The following SYNDIG1L variants were observed in gnomAD, a reference collection of about 807,000 sequenced individuals.
The protein encoded by SYNDIG1L is synapse differentiation inducing 1 like.
Under a neutral mutation model 20.1 loss-of-function variants are expected in SYNDIG1L, and 13 were observed. The observed-to-expected ratio is 0.65, with a 90% CI of 0.42 to 1.03. The LOEUF (loss-of-function observed/expected upper bound fraction) is 1.03, where lower values mean the gene tolerates loss of function less well. Among genes scored for constraint, SYNDIG1L ranks in the 50% least tolerant of loss-of-function variants. SYNDIG1L has a pLI of 0.00. For missense variants in SYNDIG1L, 294 were observed against 305.1 expected (o/e 0.96, Z 0.27); for synonymous variants, 128 against 129.3 (o/e 0.99, Z 0.07).
At chr14:74,432,623 A>G in the SYNDIG1L span, among the ~76,000 whole-genome samples, 149 of 152,324 alleles carry the variant, frequency 9.8e-4, no homozygotes, top group Non-Finnish European at 1.7e-3. Context: ...TGGGAGGCCA[A>G]GGCAGGTGGA....
At chr14:74,466,131 C>G in the SYNDIG1L span, among the ~76,000 whole-genome samples, 1 of 152,222 alleles carries the variant, frequency 6.6e-6, no homozygotes, top group South Asian at 2.1e-4. Context: ...ACTTAAAACG[C>G]TGCCCTCAAT....
the SYNDIG1L span, among the ~76,000 whole-genome samples, chr14:74,475,450 C>CTTTTTTTTTTTTTTTTTTTTTTTTTTT: frequency 6.7e-6 from 1 of 149,508 alleles, no homozygotes; most frequent in African/African-American, 2.5e-5. Flanking sequence ...TTGTATTTAA[C>CTTTTTTTTTTTTTTTTTTTTTTTTTTT]ATTTTAAATG....
At chr14:74,425,645 T>C (rs926282498) in intron 1 of SYNDIG1L, among the ~76,000 whole-genome samples, 5 of 152,190 alleles carry the variant, frequency 3.3e-5, no homozygotes, top group African/African-American at 4.8e-5. Context: ...AGGCAGGATG[T>C]CTAGGAGCTG....
the SYNDIG1L span, among the ~76,000 whole-genome samples, chr14:74,470,178 T>TTA: frequency 8.2e-5 from 12 of 145,802 alleles, no homozygotes; most frequent in African/African-American, 2.8e-4. Context: ...CTTCCCTTTT[T>TTA]AAAAAAAAAA....
the SYNDIG1L span, among the ~76,000 whole-genome samples, chr14:74,456,304 T>TGTATCACCTGAGGTCAGGA: frequency 6.6e-6 from 1 of 152,122 alleles, no homozygotes; most frequent in Non-Finnish European, 1.5e-5. Context: ...CCAAGGCAGG[T>TGTATCACCTGAGGTCAGGA]GTATCACCTG....
the SYNDIG1L span, among the ~76,000 whole-genome samples, chr14:74,448,814 TAGAA>T: frequency 6.6e-6 from 1 of 151,898 alleles, no homozygotes; most frequent in Non-Finnish European, 1.5e-5. Context: ...AAAACAGAAA[TAGAA>T]AGCAATTTGA....
At chr14:74,449,872 TAA>T in the SYNDIG1L span, among the ~76,000 whole-genome samples, 36 of 151,150 alleles carry the variant, frequency 2.4e-4, no homozygotes, top group South Asian at 7.5e-3. Context: ...AAGGAAATAA[TAA>T]AAGTCAGAGC....
the SYNDIG1L span, among the ~76,000 whole-genome samples, chr14:74,437,921 C>CATGA: frequency 6.6e-6 from 1 of 152,144 alleles, no homozygotes; most frequent in African/African-American, 2.4e-5. Flanking sequence ...TTCTTCTGCC[C>CATGA]CCACAGATGA....
At chr14:74,471,617 T>TAC in the SYNDIG1L span, among the ~76,000 whole-genome samples, 55 of 130,778 alleles carry the variant, frequency 4.2e-4, no homozygotes, top group African/African-American at 1.2e-3. Flanking sequence ...CACACACACA[T>TAC]ACACACACAC....
chr14:74,454,520 G>A, the SYNDIG1L span, among the ~76,000 whole-genome samples: 1 of 152,178 alleles, frequency 6.6e-6, no homozygotes, highest in South Asian at 2.1e-4. Flanking sequence ...TGAGAAGCTG[G>A]AGCCGCTTCC....
In SYNDIG1L at chr14:74,406,009, G is replaced by C. The variant is rs1199615885; in HGVS notation, c.*1526C>G. 2 of 398,834 alleles carry C rather than the reference G, an allele frequency of 5.0e-6. No homozygotes were observed. The highest frequency in any genetic ancestry group is 4.1e-5 in the African/African-American group (2 of 48,642). 24.7% of individuals were successfully genotyped at this position (398,834 alleles called of 1,614,324 possible). ...AGTGCCCGAGGCAGGGGAGGACAGT[G>C]GGACAAGGGATGCTCAGTGGTGGAG... is the stretch of plus-strand genomic sequence containing the variant. On this transcript the variant is annotated 3_prime_UTR_variant, in exon 4 of 4. Coordinates refer to ENST00000331628, the MANE Select transcript of SYNDIG1L (RefSeq NM_001105579.2).
intron 1 of SYNDIG1L, among the ~76,000 whole-genome samples, chr14:74,410,299 G>A (rs988254680): frequency 6.6e-6 from 1 of 152,206 alleles, no homozygotes; most frequent in Admixed American, 6.5e-5. Flanking sequence ...AAGGAAGAGT[G>A]TGGGTCAATG....
At chr14:74,423,535 T>G (rs1468969876) in intron 1 of SYNDIG1L, among the ~76,000 whole-genome samples, 1 of 152,170 alleles carries the variant, frequency 6.6e-6, no homozygotes, top group African/African-American at 2.4e-5. Context: ...TCCCCCACCC[T>G]GGCTGGGCAC....
the SYNDIG1L span, among the ~76,000 whole-genome samples, chr14:74,477,118 A>AACACACACAC: frequency 5.4e-3 from 451 of 83,144 alleles, 26 homozygotes; most frequent in Middle Eastern, 0.043. Context: ...CCCCATTCCC[A>AACACACACAC]ACACACACAC....
At chr14:74,477,497 T>C in the SYNDIG1L span, among the ~76,000 whole-genome samples, 1 of 152,122 alleles carries the variant, frequency 6.6e-6, no homozygotes, top group Non-Finnish European at 1.5e-5. Context: ...GATCACCCTG[T>C]TTCTTTTCTG....
chr14:74,437,158 A>AT, the SYNDIG1L span, among the ~76,000 whole-genome samples: 1 of 152,212 alleles, frequency 6.6e-6, no homozygotes, highest in South Asian at 2.1e-4. Context: ...TGCCTCCAGC[A>AT]TATAAGCTCT....
chr14:74,419,807 T>C (rs2086207168), intron 1 of SYNDIG1L, among the ~76,000 whole-genome samples: 1 of 152,144 alleles, frequency 6.6e-6, no homozygotes, highest in Non-Finnish European at 1.5e-5. Context: ...AGGAATCATC[T>C]AGGTGACCGA....
At chr14:74,472,979 A>C in the SYNDIG1L span, among the ~76,000 whole-genome samples, 1 of 152,220 alleles carries the variant, frequency 6.6e-6, no homozygotes, top group Non-Finnish European at 1.5e-5. Context: ...TAGGGTCGGG[A>C]CATCACCAAG....
At chr14:74,441,772 C>A in the SYNDIG1L span, among the ~76,000 whole-genome samples, 3 of 152,158 alleles carry the variant, frequency 2.0e-5, no homozygotes, top group Non-Finnish European at 4.4e-5. Flanking sequence ...CTCGGCCTCC[C>A]AAAGTGCTGG....
Sources: allele counts gnomAD v4.1 joint callset (sites outside exome capture counted in the v4.1 genomes callset), GRCh38; gene constraint gnomAD v4.1.1; transcripts MANE v1.5; gene names NCBI Gene and HGNC (gene_info 2026-07-23, HGNC 2026-07-21).